Variants in MGST1 observed in about 807,000 individuals in gnomAD.
MGST1 encodes glutathione S-transferase 12.
MGST1 carries 5 observed loss-of-function variants against 8.9 expected under a neutral mutation model. That is an observed-to-expected ratio of 0.56 (90% CI 0.29 to 1.19). The LOEUF (loss-of-function observed/expected upper bound fraction) is 1.19. Among genes scored for constraint, MGST1 ranks in the 50% most tolerant of loss-of-function variants. The pLI is 0.08. For synonymous variants in MGST1, 54 were observed against 67.8 expected (o/e 0.80, Z 1.00); for missense variants, 182 against 187.4 (o/e 0.97, Z 0.17).
intron 4 of MGST1, among the ~76,000 whole-genome samples, chr12:16,570,672 C>T (rs769186637): frequency 2.0e-5 from 3 of 152,132 alleles, no homozygotes; most frequent in Admixed American, 6.6e-5. Context: ...CTGTGAAACA[C>T]GAACGAGTGA....
intron 1 of MGST1, among the ~76,000 whole-genome samples, chr12:16,422,640 G>T (rs1940848586): frequency 6.6e-6 from 1 of 152,064 alleles, no homozygotes; most frequent in Admixed American, 6.6e-5. Context: ...TTAGATTTCT[G>T]CACACATAGT....
chr12:16,428,493 A>T (rs1475902745), intron 1 of MGST1, among the ~76,000 whole-genome samples: 25 of 148,710 alleles, frequency 1.7e-4, no homozygotes, highest in African/African-American at 5.7e-4. Context: ...TCTCTTGGGG[A>T]TGTTATCATG....
At chr12:16,579,677 C>T (rs892579469) in intron 4 of MGST1, among the ~76,000 whole-genome samples, 4 of 152,170 alleles carry the variant, frequency 2.6e-5, no homozygotes, top group African/African-American at 9.7e-5. Context: ...TCTCTCAACC[C>T]CACCTAGCCT....
At chr12:16,374,803 A>C (rs1489171326) in intron 3 of MGST1, among the ~76,000 whole-genome samples, 1 of 152,198 alleles carries the variant, frequency 6.6e-6, no homozygotes, top group Non-Finnish European at 1.5e-5. Flanking sequence ...TACTATGGTT[A>C]CTGTGGAATA....
chr12:16,354,090 ACAATCATTTCTTCTG>A, intron 1 of MGST1, 126 bp from the exon 2 acceptor site: 1 of 672,908 alleles, frequency 1.5e-6, no homozygotes. Context: ...TAAAAACTAA[ACAATCATTTCTTCTG>A]CAAATAGTCC....
chr12:16,419,064 T>G (rs1002596926), intron 1 of MGST1, among the ~76,000 whole-genome samples: 6 of 152,198 alleles, frequency 3.9e-5, no homozygotes, highest in African/African-American at 9.6e-5. Context: ...CCATGGCTTT[T>G]CAGCACTACC....
intron 4 of MGST1, among the ~76,000 whole-genome samples, chr12:16,554,401 T>C (rs1942107592): frequency 6.6e-6 from 1 of 152,208 alleles, no homozygotes; most frequent in Non-Finnish European, 1.5e-5. Context: ...GTGTCTATAC[T>C]TTCCTATTCC....
At chr12:16,378,702 A>T (rs1446301324), downstream of MGST1, among the ~76,000 whole-genome samples, 1 of 148,574 alleles carries the variant, frequency 6.7e-6, no homozygotes, top group South Asian at 2.2e-4. Flanking sequence ...TGGTAGCTTG[A>T]TGGGGATGGC....
chr12:16,363,575 A>T lies in MGST1; in HGVS notation c.222-220A>T. 1 of 340,702 alleles carries T rather than the reference A, an allele frequency of 2.9e-6. No individual in the cohort carries two copies. Among genetic ancestry groups the T allele is most frequent in the Non-Finnish European group, 5.3e-6 (1 of 189,674 alleles). The allele number at this position is 340,702 out of a possible 1,614,324, so 21.1% of individuals were successfully genotyped here. On this transcript the variant is annotated intron_variant, in intron 3 of 3. Transcript: ENST00000396210. This position sits in a 1 kb window ranked among gnomAD's most constrained non-coding sequence, Gnocchi z 4.6. ...CTACAAAATGCCTTCTGTGATATTT[A>T]AAGATACACTAAAAATAAAAAGAAA...
intron 4 of MGST1, among the ~76,000 whole-genome samples, chr12:16,465,475 T>G (rs1591737375): frequency 6.6e-6 from 1 of 151,692 alleles, no homozygotes; most frequent in Middle Eastern, 3.5e-3. Context: ...GCGTCGTGAG[T>G]GAGCATTGCC....
In MGST1 at chr12:16,543,328, T is replaced by C. The variant is rs1343201745; in HGVS notation, n.483-46200T>C. 3.3e-5 allele frequency among the ~76,000 whole-genome samples: 5 copies of C among 152,286 alleles called. No individual in the cohort carries two copies. In the East Asian group the frequency reaches 9.7e-4, roughly 29 times the overall value. On this transcript the variant is annotated intron_variant and non_coding_transcript_variant, in intron 4 of 4. Coordinates refer to the MGST1 transcript ENST00000538857. Reference sequence around the variant, plus strand: ...CAAAAGAAGGCAATTAAAAAAATGCTTTACCATCCACTATCTCTGACTACG... The same window carrying C: ...CAAAAGAAGGCAATTAAAAAAATGCCTTACCATCCACTATCTCTGACTACG...
rs1940737776 is a variant in MGST1 at position 16,410,968 on chromosome 12, A to G, written n.779-26420A>G. 6.6e-6 allele frequency among the ~76,000 whole-genome samples: 1 copy of G among 151,878 alleles called. No individual in the cohort carries two copies. Among genetic ancestry groups the G allele is most frequent in the Non-Finnish European group, 1.5e-5 (1 of 68,008 alleles). On this transcript the variant is annotated intron_variant and non_coding_transcript_variant, in intron 1 of 1. Coordinates refer to the MGST1 transcript ENST00000359720. This position sits in a 1 kb window ranked among gnomAD's most constrained non-coding sequence, Gnocchi z 4.4. ...ATTCCATGCTTTTTTCTGACATGGAACCTTTGAATGTACCTTTCCCTCTGC... is the reference window on the plus strand; with the variant it reads ...ATTCCATGCTTTTTTCTGACATGGAGCCTTTGAATGTACCTTTCCCTCTGC...
chr12:16,503,303 C>A lies in MGST1; in HGVS notation n.483-86225C>A, dbSNP rs998846332. On this transcript the variant is annotated intron_variant and non_coding_transcript_variant, in intron 4 of 4. Transcript: ENST00000538857. This position sits in a 1 kb window ranked among gnomAD's most constrained non-coding sequence, Gnocchi z 4.8. ...GGTGGTCAAATAGCATTTTTTTCTA[C>A]TTTTTCCCTCATTCTTAGCTTGGCT... Among the ~76,000 whole-genome samples the A allele has an allele frequency of 6.6e-6, 1 of 151,918 alleles. No homozygotes were observed. Among genetic ancestry groups the A allele is most frequent in the African/African-American group, 2.4e-5 (1 of 41,338 alleles).
At chr12:16,571,534 C>T (rs998224709) in intron 4 of MGST1, among the ~76,000 whole-genome samples, 1 of 151,994 alleles carries the variant, frequency 6.6e-6, no homozygotes, top group Non-Finnish European at 1.5e-5. Flanking sequence ...TTTTCTAGGA[C>T]AATCCTGGAT....
intron 4 of MGST1, among the ~76,000 whole-genome samples, chr12:16,479,320 C>T (rs568747285): frequency 3.6e-4 from 52 of 145,746 alleles, no homozygotes; most frequent in East Asian, 1.8e-3. Flanking sequence ...CTGCAAGCTC[C>T]GCCTCCCGGG....
At chr12:16,540,240 T>A (rs937389897) in intron 4 of MGST1, among the ~76,000 whole-genome samples, 5 of 152,208 alleles carry the variant, frequency 3.3e-5, no homozygotes, top group African/African-American at 1.2e-4. Flanking sequence ...CCCTTTTCTT[T>A]CCAGGCTCCT....
chr12:16,469,596 T>C (rs984864860), intron 4 of MGST1, among the ~76,000 whole-genome samples: 3 of 152,172 alleles, frequency 2.0e-5, no homozygotes, highest in Non-Finnish European at 4.4e-5. Context: ...CTTAAAGGCA[T>C]TTGTGGCTAT....
intron 1 of MGST1, among the ~76,000 whole-genome samples, chr12:16,418,731 G>C (rs1940806850): frequency 6.6e-6 from 1 of 152,124 alleles, no homozygotes; most frequent in Non-Finnish European, 1.5e-5. Context: ...TGCCTTGGTT[G>C]TCTCAAGAGG....
At chr12:16,495,337 G>T (rs778588266) in intron 4 of MGST1, among the ~76,000 whole-genome samples, 1 of 152,056 alleles carries the variant, frequency 6.6e-6, no homozygotes, top group Non-Finnish European at 1.5e-5. Context: ...GGTGAAGAGG[G>T]TTGAAAAATG....
Sources: gnomAD v4.1 joint callset for allele counts (sites outside exome capture counted in the v4.1 genomes callset) on GRCh38, gnomAD v4.1.1 for gene constraint, Gnocchi (gnomAD v3.1) non-coding constraint, MANE v1.5 for transcripts, NCBI Gene and HGNC (gene_info 2026-07-23, HGNC 2026-07-21) for gene names.